TAFA1: variants seen among roughly 807,000 people sequenced by gnomAD.
TAFA1 encodes chemokine-like protein TAFA-1.
A neutral mutation model predicts 18.5 loss-of-function variants in TAFA1; 4 were observed. The observed-to-expected ratio is 0.22, with a 90% CI of 0.11 to 0.49. The LOEUF is 0.49. Ranked by LOEUF, TAFA1 falls within the 20% of genes least tolerant of loss-of-function variation. The pLI is 0.98. For synonymous variants in TAFA1, 56 were observed against 55.2 expected, an observed-to-expected ratio of 1.01 and a Z score of -0.06; for missense variants, 147 against 169.0, an observed-to-expected ratio of 0.87 and a Z score of 0.72.
intron 2 of TAFA1, among the ~76,000 whole-genome samples, chr3:68,074,465 T>C (rs2064799430): frequency 6.6e-6 from 1 of 152,192 alleles, no homozygotes; most frequent in African/African-American, 2.4e-5. Context: ...TCCTGCTCTA[T>C]GACCTTGGGC....
chr3:68,507,300 G>A (rs1237097178), intron 3 of TAFA1, among the ~76,000 whole-genome samples: 1 of 151,996 alleles, frequency 6.6e-6, no homozygotes, highest in East Asian at 1.9e-4. Context: ...TAGACTAATG[G>A]AGAACCATGA....
intron 2 of TAFA1, among the ~76,000 whole-genome samples, chr3:68,407,976 C>G (rs981888782): frequency 6.6e-6 from 1 of 152,124 alleles, no homozygotes. Flanking sequence ...ACACTCAGAG[C>G]TTCTTTCCAG....
chr3:68,179,535 T>C (rs1391375984), intron 2 of TAFA1, among the ~76,000 whole-genome samples: 1 of 152,212 alleles, frequency 6.6e-6, no homozygotes, highest in Non-Finnish European at 1.5e-5. Flanking sequence ...TTTCTTTTTC[T>C]GTACTCCTTG....
At chr3:68,287,912 G>GC (rs1288556617) in intron 2 of TAFA1, among the ~76,000 whole-genome samples, 9 of 117,454 alleles carry the variant, frequency 7.7e-5, no homozygotes, top group African/African-American at 3.6e-4. Context: ...TTTGTTGGGG[G>GC]GTGGGGGGGC....
At chr3:68,503,007 A>C (rs922093817) in intron 3 of TAFA1, among the ~76,000 whole-genome samples, 3 of 152,146 alleles carry the variant, frequency 2.0e-5, no homozygotes, top group Non-Finnish European at 4.4e-5. Context: ...CATAAAAAGG[A>C]ATGATGTATA....
chr3:68,418,126 A>G (rs2070877072), intron 3 of TAFA1, among the ~76,000 whole-genome samples: 1 of 152,102 alleles, frequency 6.6e-6, no homozygotes, highest in Non-Finnish European at 1.5e-5. Context: ...TGATGGTGAT[A>G]ATGATAATAA....
intron 2 of TAFA1, among the ~76,000 whole-genome samples, chr3:68,370,417 TAC>T (rs36170007): frequency 0.025 from 2,018 of 80,136 alleles, 71 homozygotes; most frequent in African/African-American, 0.05. Context: ...CATATATATG[TAC>T]ACACACACAC....
chr3:68,193,977 CT>C (rs1313211552), intron 2 of TAFA1, among the ~76,000 whole-genome samples: 21 of 151,690 alleles, frequency 1.4e-4, no homozygotes, highest in African/African-American at 5.1e-4. Context: ...TATATTTATG[CT>C]TTTGTCAGAT....
intron 2 of TAFA1, among the ~76,000 whole-genome samples, chr3:68,269,362 G>A (rs964817876): frequency 2.6e-5 from 4 of 152,122 alleles, no homozygotes; most frequent in African/African-American, 7.2e-5. Flanking sequence ...AAGCTAAGGT[G>A]GGAGGATCCC....
chr3:68,424,391 C>T (rs2071015682), intron 3 of TAFA1, among the ~76,000 whole-genome samples: 1 of 151,996 alleles, frequency 6.6e-6, no homozygotes, highest in Non-Finnish European at 1.5e-5. Flanking sequence ...ATTAATACAT[C>T]TATCCATAAA....
intron 2 of TAFA1, among the ~76,000 whole-genome samples, chr3:68,134,122 C>T (rs948379967): frequency 1.3e-5 from 2 of 149,232 alleles, no homozygotes; most frequent in African/African-American, 2.5e-5. Flanking sequence ...TCATTGGAGT[C>T]GTTGGCTAGA....
intron 2 of TAFA1, among the ~76,000 whole-genome samples, chr3:68,196,520 G>C (rs1259661385): frequency 6.6e-6 from 1 of 151,548 alleles, no homozygotes; most frequent in Non-Finnish European, 1.5e-5. Flanking sequence ...ATTACTATAA[G>C]GAAAAATAAA....
intron 2 of TAFA1, among the ~76,000 whole-genome samples, chr3:68,159,732 C>T (rs888087900): frequency 4.6e-5 from 7 of 152,112 alleles, no homozygotes; most frequent in Non-Finnish European, 1.0e-4. Context: ...TTTCTCCCAC[C>T]TGGAAAGTTT....
At chr3:68,391,967 C>T (rs894620027) in intron 2 of TAFA1, among the ~76,000 whole-genome samples, 1 of 151,984 alleles carries the variant, frequency 6.6e-6, no homozygotes, top group Non-Finnish European at 1.5e-5. Flanking sequence ...GGCAAAATAA[C>T]CAGCTGGAAT....
chr3:68,440,009 G>T (rs1458574665), intron 3 of TAFA1, among the ~76,000 whole-genome samples: 1 of 151,798 alleles, frequency 6.6e-6, no homozygotes, highest in Non-Finnish European at 1.5e-5. Context: ...ACACTTAAAT[G>T]CCAATATGAA....
chr3:68,532,251 G>A (rs74922018), intron 3 of TAFA1, among the ~76,000 whole-genome samples: 2,000 of 152,270 alleles, frequency 0.013, 45 homozygotes, highest in African/African-American at 0.045. Context: ...GAGGAGGGGA[G>A]GTGGTGTCAC....
intron 2 of TAFA1, among the ~76,000 whole-genome samples, chr3:68,360,048 C>T (rs1036914478): frequency 8.6e-5 from 13 of 151,966 alleles, no homozygotes; most frequent in African/African-American, 2.7e-4. Context: ...CAGGATCAAT[C>T]AATGCCTCTC....
At chr3:68,522,781 G>A (rs1226426795) in intron 3 of TAFA1, among the ~76,000 whole-genome samples, 1 of 150,910 alleles carries the variant, frequency 6.6e-6, no homozygotes, top group Admixed American at 6.6e-5. Context: ...CTCAGGAGGT[G>A]GAGTTTGCAG....
At chr3:68,417,010 A>T (rs1364553566) in intron 2 of TAFA1, among the ~76,000 whole-genome samples, 1 of 152,126 alleles carries the variant, frequency 6.6e-6, no homozygotes, top group East Asian at 1.9e-4. Flanking sequence ...AGTTGCAGGC[A>T]TTCATTGCTT....
Sources: allele counts gnomAD v4.1 joint callset (sites outside exome capture counted in the v4.1 genomes callset), GRCh38; gene constraint gnomAD v4.1.1; transcripts MANE v1.5; gene names NCBI Gene and HGNC (gene_info 2026-07-23, HGNC 2026-07-21).